The following GGA1 variants were observed in gnomAD, a reference collection of about 807,000 sequenced individuals.
GGA1 encodes ADP-ribosylation factor-binding protein GGA1.
Under a neutral mutation model 76.9 loss-of-function variants are expected in GGA1, and 18 were observed. The observed-to-expected ratio is 0.23, with a 90% confidence interval of 0.16 to 0.35. GGA1 has a LOEUF of 0.35. GGA1 is among the 10% of genes least tolerant of loss of function. The pLI is 1.00. For missense variants in GGA1, 755 were observed against 859.0 expected, an observed-to-expected ratio of 0.88 and a Z score of 1.51; for synonymous variants, 342 against 354.7, an observed-to-expected ratio of 0.96 and a Z score of 0.40.
rs1242122150 is a variant in GGA1 at position 37,621,659 on chromosome 22, G to A, written c.572G>A (p.Arg191His). 8 of 1,555,376 alleles carry A rather than the reference G, an allele frequency of 5.1e-6. No individual in the cohort carries two copies. Among genetic ancestry groups the A allele is most frequent in the African/African-American group, 2.7e-5 (2 of 73,426 alleles). The stretch of plus-strand genomic sequence containing the variant: ...AAGAGCTCCCATCCCGAAGACCTCC[G>A]CGCAGCCAATAAGCTCATCAAAGAG... Reference protein sequence around the residue: ...LLKSSHPEDLRAANKLIKEMV... With the variant: ...LLKSSHPEDLHAANKLIKEMV... The change falls in exon 7 of 17, where the codon CGC becomes CAC. Residue 191 changes from arginine to histidine, a missense_variant. Physicochemically the swap from Arg to His is conservative, Grantham distance 29 (BLOSUM62 0). Transcript: ENST00000343632.
chr22:37,627,639 G>T (rs542595999), intron 11 of GGA1, among the ~76,000 whole-genome samples: 16 of 152,352 alleles, frequency 1.1e-4, no homozygotes, highest in African/African-American at 3.8e-4. Context: ...CCAGCCAGCA[G>T]CTGCAGCACC....
Position 37,608,941 on chromosome 22 carries a change from G to A in GGA1, c.43+38G>A, listed in dbSNP as rs563513976. 5.3e-6 allele frequency: 7 copies of A among 1,322,614 alleles called. No individual in the cohort carries two copies. In the African/African-American group the frequency reaches 1.1e-4, roughly 20 times the overall value. 81.9% of individuals were successfully genotyped at this position (1,322,614 alleles called of 1,614,324 possible). A position where few individuals can be genotyped will look rare whatever the true frequency, so the allele number is the denominator to read the frequency against. On this transcript the variant is annotated intron_variant, in intron 1 of 16. Coordinates refer to ENST00000343632, the MANE Select transcript of GGA1 (RefSeq NM_013365.5). ...GAGGGGCGCGGGCCGGACCGGAACCGGAACCGGGGGCACGAGGCGGGCCCC... is the reference window on the plus strand; with the variant it reads ...GAGGGGCGCGGGCCGGACCGGAACCAGAACCGGGGGCACGAGGCGGGCCCC...
At position 37,620,379 on chromosome 22, in the gene GGA1, TG is replaced by T. The variant is rs778343518; in HGVS notation, c.427+24del. On this transcript the variant is annotated intron_variant, in intron 5 of 16. Coordinates refer to ENST00000343632, the MANE Select transcript of GGA1 (RefSeq NM_013365.5). ...GAAGCAGGGTGAGGCACACAGAGGG[TG>T]GGGGGCGACCAGGGCCTGCCTTCCC... 4 of 1,612,258 alleles carry T rather than the reference TG, an allele frequency of 2.5e-6. No homozygotes were observed. The highest frequency in any genetic ancestry group is 2.2e-5 in the East Asian group (1 of 44,844).
In GGA1 at chr22:37,633,329, A is replaced by C. The variant is rs913587584; in HGVS notation, c.*618A>C. The stretch of plus-strand genomic sequence containing the variant: ...GTACTCCTGGGGGTTTCCCTTTGCC[A>C]TTGGGCCCCCTGAGGGACTGTGGGG... On this transcript the variant is annotated 3_prime_UTR_variant, in exon 17 of 17. Transcript: ENST00000343632. 2 of 151,514 alleles carry C rather than the reference A, an allele frequency of 1.3e-5. No individual in the cohort carries two copies. Among genetic ancestry groups the C allele is most frequent in the Admixed American group, 1.3e-4 (2 of 15,202 alleles). 9.4% of individuals were successfully genotyped at this position (151,514 alleles called of 1,614,324 possible).
intron 11 of GGA1, 163 bp downstream of exon 11, chr22:37,626,112 G>A (rs946736814): frequency 2.3e-5 from 11 of 472,898 alleles, no homozygotes; most frequent in Non-Finnish European, 3.9e-5. Context: ...ACTGAGGCTC[G>A]GGGAAGTTAG....
intron 1 of GGA1, 111 bp from the exon 2 acceptor site, chr22:37,614,079 G>A (rs1030060719): frequency 3.3e-5 from 25 of 763,312 alleles, no homozygotes; most frequent in South Asian, 1.1e-4. Flanking sequence ...GCTTTCCCAC[G>A]TGCTCAGTCA....
At chr22:37,620,418 G>A in intron 5 of GGA1, 57 bp downstream of exon 5, 1 of 1,589,256 alleles carries the variant, frequency 6.3e-7, no homozygotes, top group Non-Finnish European at 8.6e-7. Flanking sequence ...CCCCCACCAT[G>A]AGCTGGGGCT....
At chr22:37,622,769 A>G (rs2145946324) in intron 7 of GGA1, among the ~76,000 whole-genome samples, 1 of 152,296 alleles carries the variant, frequency 6.6e-6, no homozygotes, top group East Asian at 1.9e-4. Context: ...GTGTGAGGCC[A>G]CTTTTCACTC....
Position 37,623,086 on chromosome 22 carries a change from C to T in GGA1, c.610-241C>T, listed in dbSNP as rs1412039673. On this transcript the variant is annotated intron_variant, in intron 7 of 16. Coordinates refer to ENST00000343632, the MANE Select transcript of GGA1 (RefSeq NM_013365.5). The surrounding 1 kb of genome is among the most constrained non-coding windows in gnomAD (Gnocchi z 4.6). ...GGTTTGGAAACCCAGGTTCCTGGGC[C>T]ATCTCTGAAGATCCTGATGAGCTTG... 6.6e-6 allele frequency among the ~76,000 whole-genome samples: 1 copy of T among 152,224 alleles called. No homozygotes were observed. The highest frequency in any genetic ancestry group is 2.4e-5 in the African/African-American group (1 of 41,456).
chr22:37,631,031 C>T lies in GGA1; in HGVS notation c.1460C>T (p.Pro487Leu), dbSNP rs942059565. The T allele has an allele frequency of 2.9e-5, 47 of 1,612,938 alleles. No individual in the cohort carries two copies. The highest frequency in any genetic ancestry group is 8.0e-5 in the African/African-American group (6 of 74,832). ...GTGTCCCCAGAGCCCCCCAGGCCTC[C>T]GCAGCAGCCCGTACCAACCGAGCTC... ...HTVSPEPPRP[P>L]QQPVPTELSL... The change falls in exon 14 of 17, where the codon CCG becomes CTG. Residue 487 changes from proline to leucine, a missense_variant. Pro to Leu is a moderately conservative substitution (Grantham distance 98). Transcript: ENST00000343632.
At chr22:37,629,721 T>G (rs1232039324) in intron 12 of GGA1, among the ~76,000 whole-genome samples, 195 bp downstream of exon 12, 1 of 152,020 alleles carries the variant, frequency 6.6e-6, no homozygotes, top group Admixed American at 6.5e-5. Flanking sequence ...CTTCCCCAAG[T>G]CTCAGCCTTG....
At chr22:37,619,014 C>T (rs1267938791) in intron 4 of GGA1, among the ~76,000 whole-genome samples, 2 of 152,210 alleles carry the variant, frequency 1.3e-5, no homozygotes, top group African/African-American at 2.4e-5. Context: ...TGGCTCCAGA[C>T]GGGCCATCCC....
intron 1 of GGA1, among the ~76,000 whole-genome samples, chr22:37,609,863 C>T (rs981524853): frequency 1.3e-5 from 2 of 152,202 alleles, no homozygotes; most frequent in Non-Finnish European, 2.9e-5. Flanking sequence ...GGCACACCGG[C>T]AACTGTCTAG....
In GGA1 at chr22:37,626,058, T is replaced by C. The variant is rs547159987; in HGVS notation, c.1093+109T>C. On this transcript the variant is annotated intron_variant, in intron 11 of 16. Transcript: ENST00000343632. The stretch of plus-strand genomic sequence containing the variant: ...CCACGTACCCCAGGTGTGGATCCTG[T>C]GGGGCACGTGGATGAGCATTAGGCC... 10 of 806,248 alleles carry C rather than the reference T, an allele frequency of 1.2e-5. No homozygotes were observed. In the South Asian group the frequency reaches 2.3e-4, roughly 18 times the overall value. The allele number at this position is 806,248 out of a possible 1,614,324, so 49.9% of individuals were successfully genotyped here.
intron 3 of GGA1, 103 bp from the exon 4 acceptor site, chr22:37,618,345 G>A (rs1555882903): frequency 1.8e-5 from 12 of 668,852 alleles, no homozygotes; most frequent in Non-Finnish European, 1.4e-5. Flanking sequence ...CCTCCCTTCT[G>A]AAAGCCCACC....
At chr22:37,621,980 A>G (rs1293600332) in intron 7 of GGA1, among the ~76,000 whole-genome samples, 1 of 152,066 alleles carries the variant, frequency 6.6e-6, no homozygotes, top group African/African-American at 2.4e-5. Context: ...TATTTTTAAA[A>G]TTACTTTTTA....
intron 3 of GGA1, chr22:37,617,504 T>G (rs1328241594): frequency 1.0e-6 from 1 of 991,416 alleles, no homozygotes; most frequent in African/African-American, 1.7e-5. Flanking sequence ...CAAAGCTGAT[T>G]TTAAGTGGTG....
At chr22:37,609,215 T>C (rs1210757081) in intron 1 of GGA1, 3 of 1,255,916 alleles carry the variant, frequency 2.4e-6, no homozygotes, top group African/African-American at 1.6e-5. Context: ...AAGGCTCACA[T>C]TGCTTCACGG....
At position 37,621,702 on chromosome 22, in the gene GGA1, G is replaced by T. The variant is rs369010190; in HGVS notation, c.609+6G>T. The T allele has an allele frequency of 1.3e-6, 2 of 1,550,466 alleles. No homozygotes were observed. The highest frequency in any genetic ancestry group is 3.9e-5 in the Admixed American group (2 of 51,112). On this transcript the variant is annotated splice_donor_region_variant and intron_variant, in intron 7 of 16. Coordinates refer to ENST00000343632, the MANE Select transcript of GGA1 (RefSeq NM_013365.5). ...TCAAAGAGATGGTGCAGGAGGTAGC[G>T]GCCGAGCCCAGAGCACAGGGAGGAG...
Sources: gnomAD v4.1 joint callset for allele counts (sites outside exome capture counted in the v4.1 genomes callset) on GRCh38, gnomAD v4.1.1 for gene constraint, Gnocchi (gnomAD v3.1) non-coding constraint, MANE v1.5 for transcripts, NCBI Gene and HGNC (gene_info 2026-07-23, HGNC 2026-07-21) for gene names.